The following RMND1 variants were observed in gnomAD, a reference collection of about 807,000 sequenced individuals.
RMND1 encodes required for meiotic nuclear division protein 1 homolog.
RMND1 carries 41 observed loss-of-function variants against 54.0 expected under a neutral mutation model. That is an observed-to-expected ratio of 0.76 (90% CI 0.59 to 0.98). The LOEUF (loss-of-function observed/expected upper bound fraction) is 0.98, where lower values mean the gene tolerates loss of function less well. Ranked by LOEUF, RMND1 falls within the 50% of genes least tolerant of loss-of-function variation. The pLI, the probability that RMND1 is intolerant of heterozygous loss-of-function variation, is 0.00. For missense variants in RMND1, 457 were observed against 532.0 expected (o/e 0.86, Z 1.39); for synonymous variants, 183 against 181.7 (o/e 1.01, Z -0.06).
chr6:151,428,810 A>T, intron 5 of RMND1, among the ~76,000 whole-genome samples: 1 of 152,172 alleles, frequency 6.6e-6, no homozygotes, highest in Non-Finnish European at 1.5e-5. Flanking sequence ...ATACGATTAC[A>T]GGTATGAGTT....
intron 5 of RMND1, among the ~76,000 whole-genome samples, chr6:151,429,687 T>C (rs984484253): frequency 6.6e-6 from 1 of 152,210 alleles, no homozygotes; most frequent in Non-Finnish European, 1.5e-5. Context: ...CTGGGTTAAA[T>C]ATAAAGCTTT....
intron 2 of RMND1, 112 bp downstream of exon 2, chr6:151,445,196 C>G: frequency 9.2e-7 from 1 of 1,090,300 alleles, no homozygotes; most frequent in Non-Finnish European, 1.3e-6. Context: ...ATGAAGAAGT[C>G]TGAGTGACTG....
intron 2 of RMND1, 124 bp from the exon 3 acceptor site, chr6:151,436,678 CCAAGGGTGATA>C: frequency 2.4e-6 from 2 of 829,768 alleles, no homozygotes; most frequent in Non-Finnish European, 3.6e-6. Context: ...TCAAACATCT[CCAAGGGTGATA>C]CAAGGGATGG....
rs751267106 is a variant in RMND1 at position 151,423,516 on chromosome 6, GT to G, written c.937+8del. On this transcript the variant is annotated splice_region_variant and intron_variant, in intron 7 of 11. Transcript: ENST00000444024. ...GTAGTACCCTATCCCATAAGCAGTA[GT>G]AACTTACCAGAAAGGCATAGAGCAT... The G allele has an allele frequency of 1.0e-4, 162 of 1,557,676 alleles. 1 individual carries two copies. In the South Asian group the frequency reaches 1.8e-3, roughly 17 times the overall value.
At chr6:151,417,811 ATTTT>A (rs764636849) in intron 9 of RMND1, among the ~76,000 whole-genome samples, 1 of 142,542 alleles carries the variant, frequency 7.0e-6, no homozygotes, top group Non-Finnish European at 1.5e-5. Context: ...TTTGTTTTCA[ATTTT>A]TTTTTTTTTT....
At chr6:151,448,616 A>T (rs1466267455) in intron 1 of RMND1, among the ~76,000 whole-genome samples, 1 of 152,182 alleles carries the variant, frequency 6.6e-6, no homozygotes, top group East Asian at 1.9e-4. Flanking sequence ...CAGTAATAAT[A>T]CTACCTGATC....
At position 151,433,189 on chromosome 6, in the gene RMND1, T is replaced by C. The variant is rs1171396601; in HGVS notation, c.655A>G (p.Lys219Glu). Residue 219 changes from lysine to glutamate, a missense_variant, in exon 4 of 12, where the codon AAA (lysine) becomes GAA (glutamate). Coordinates refer to ENST00000444024, the MANE Select transcript of RMND1 (RefSeq NM_017909.4). ...ILVMGVENSA[K>E]EGDPGTIFFF... ...AATATTGTTCCAGGATCACCTTCTT[T>C]TGCAGAATTTTCCACACCCATCACC... 1 of 1,612,842 alleles carries C rather than the reference T, an allele frequency of 6.2e-7. No individual in the cohort carries two copies. The highest frequency in any genetic ancestry group is 8.5e-7 in the Non-Finnish European group (1 of 1,179,382).
chr6:151,451,211 A>AAAC (rs1554348709), intron 1 of RMND1, among the ~76,000 whole-genome samples: 2 of 151,686 alleles, frequency 1.3e-5, no homozygotes, highest in African/African-American at 4.8e-5. Context: ...AAAAAAAAAA[A>AAAC]AAAAAAAACA....
chr6:151,417,080 C>T, intron 10 of RMND1, 199 bp downstream of exon 10: 1 of 466,284 alleles, frequency 2.1e-6, no homozygotes, highest in Non-Finnish European at 3.7e-6. Flanking sequence ...TATTCACCAA[C>T]CTTATCTAGT....
At position 151,417,487 on chromosome 6, in the gene RMND1, G is replaced by T. The variant is rs1780039299; in HGVS notation, c.1080-88C>A. ...ATTTAATATTTACATAGTGCTTTAT[G>T]AAAACTTTTTTTTTTTTGGTAAGAG... On this transcript the variant is annotated intron_variant, in intron 9 of 11. Transcript: ENST00000444024. 2.7e-6 allele frequency: 3 copies of T among 1,128,330 alleles called. No homozygotes were observed. The East Asian group carries it at 8.4e-5, about 31-fold the overall frequency. 69.9% of individuals were successfully genotyped at this position (1,128,330 alleles called of 1,614,324 possible). A position where few individuals can be genotyped will look rare whatever the true frequency, so the allele number is the denominator to read the frequency against.
At chr6:151,421,600 G>A (rs1780152074) in intron 8 of RMND1, among the ~76,000 whole-genome samples, 3 of 151,880 alleles carry the variant, frequency 2.0e-5, no homozygotes, top group East Asian at 1.9e-4. Flanking sequence ...CCTCCTTTCC[G>A]AAGTATAATT....
chr6:151,428,212 G>A (rs1780358552), intron 5 of RMND1, among the ~76,000 whole-genome samples: 1 of 152,176 alleles, frequency 6.6e-6, no homozygotes, highest in South Asian at 2.1e-4. Context: ...TCTCTCTTCT[G>A]TACTGAAATC....
At chr6:151,422,734 A>G (rs1354849044) in intron 7 of RMND1, 129 bp from the exon 8 acceptor site, 1 of 454,780 alleles carries the variant, frequency 2.2e-6, no homozygotes, top group East Asian at 3.5e-5. Flanking sequence ...AACCTTGAAA[A>G]TATAATTTAA....
intron 10 of RMND1, among the ~76,000 whole-genome samples, chr6:151,412,253 C>T (rs536846700): frequency 7.2e-5 from 11 of 152,226 alleles, no homozygotes; most frequent in Non-Finnish European, 5.9e-5. Flanking sequence ...CCACTCACCT[C>T]GGCCTCCCGA....
chr6:151,450,058 G>A (rs978113774), intron 1 of RMND1, among the ~76,000 whole-genome samples: 2 of 152,162 alleles, frequency 1.3e-5, no homozygotes, highest in Non-Finnish European at 2.9e-5. Context: ...TGCAGCCTCT[G>A]CCTGGCCCCC....
intron 2 of RMND1, chr6:151,445,090 T>C (rs1780913066): frequency 4.3e-6 from 2 of 464,916 alleles, no homozygotes; most frequent in Non-Finnish European, 7.5e-6. Flanking sequence ...TATTTTCATG[T>C]GTTATCACCT....
chr6:151,441,435 A>G (rs2114965787), intron 2 of RMND1, among the ~76,000 whole-genome samples: 1 of 152,224 alleles, frequency 6.6e-6, no homozygotes, highest in Admixed American at 6.5e-5. Context: ...GAATTTCACG[A>G]GTGATGGGAA....
intron 4 of RMND1, among the ~76,000 whole-genome samples, 196 bp from the exon 5 acceptor site, chr6:151,430,373 C>G (rs925785184): frequency 1.1e-4 from 17 of 152,118 alleles, no homozygotes; most frequent in African/African-American, 3.9e-4. Flanking sequence ...TTGATAAAAC[C>G]TGACCTCCTC....
Position 151,427,573 on chromosome 6 carries a change from C to T in RMND1, c.739G>A (p.Val247Met), listed in dbSNP as rs778979722. 3 of 1,599,898 alleles carry T rather than the reference C, an allele frequency of 1.9e-6. 1 individual carries two copies. The South Asian group carries it at 3.3e-5, about 18-fold the overall frequency. Residue 247 changes from valine (V) to methionine (M), a missense_variant, in exon 6 of 12, where the codon GTG (valine) becomes ATG (methionine). By Grantham distance (21) the Val-to-Met change is conservative. Transcript: ENST00000444024. ...TCATGTTTTTCTAGAACTTTCATCA[C>T]ATGCTTCATCTAGAAGAAAAGGAAG... ...WNVKDKTMKH[V>M]MKVLEKHEIQ...
Sources: allele counts gnomAD v4.1 joint callset (sites outside exome capture counted in the v4.1 genomes callset), GRCh38; gene constraint gnomAD v4.1.1; transcripts MANE v1.5; gene names NCBI Gene and HGNC (gene_info 2026-07-23, HGNC 2026-07-21).